The following RNF220 variants were observed in gnomAD, a reference collection of about 807,000 sequenced individuals.
The protein encoded by RNF220 is E3 ubiquitin-protein ligase RNF220.
A neutral mutation model predicts 67.1 loss-of-function variants in RNF220; 7 were observed. That is an observed-to-expected ratio of 0.10 (90% CI 0.06 to 0.20). RNF220 has a LOEUF of 0.20. RNF220 is among the 10% of genes least tolerant of loss of function. The pLI is 1.00. For synonymous variants in RNF220, 270 were observed against 283.2 expected, an observed-to-expected ratio of 0.95 and a Z score of 0.47; for missense variants, 565 against 740.3, an observed-to-expected ratio of 0.76 and a Z score of 2.75.
intron 2 of RNF220, among the ~76,000 whole-genome samples, chr1:44,461,774 A>T (rs900682034): frequency 6.6e-6 from 1 of 152,184 alleles, no homozygotes; most frequent in Non-Finnish European, 1.5e-5. Flanking sequence ...GGATCCAGAA[A>T]CTAGTCCTCA....
chr1:44,431,500 CAAAA>C (rs34244024), intron 2 of RNF220, among the ~76,000 whole-genome samples: 1 of 90,468 alleles, frequency 1.1e-5, no homozygotes, highest in Admixed American at 1.2e-4. Context: ...GACTTCATCT[CAAAA>C]AAAAAAAAAA....
intron 2 of RNF220, among the ~76,000 whole-genome samples, chr1:44,594,432 G>T (rs1666333139): frequency 6.6e-6 from 1 of 152,246 alleles, no homozygotes; most frequent in South Asian, 2.1e-4. Context: ...TACGGGGTAA[G>T]GCAGAGACAG....
intron 2 of RNF220, among the ~76,000 whole-genome samples, chr1:44,452,771 C>T (rs1397389354): frequency 6.6e-6 from 1 of 152,126 alleles, no homozygotes; most frequent in East Asian, 1.9e-4. Context: ...TGTGCCCAGC[C>T]TCTACCTTCT....
At chr1:44,457,635 A>G (rs868521213) in intron 2 of RNF220, among the ~76,000 whole-genome samples, 11 of 151,980 alleles carry the variant, frequency 7.2e-5, no homozygotes, top group African/African-American at 2.4e-4. Context: ...GAAGCGTTAT[A>G]TTTAGATCTG....
In RNF220 at chr1:44,606,144, G is replaced by A. The variant is rs1450905489; in HGVS notation, c.626-8021G>A. ...CCAGCGGGAGGCCCCAGCCAGACAA[G>A]TGTATTACACGGATAATGTATTTGA... On this transcript the variant is annotated intron_variant, in intron 2 of 14. Coordinates refer to ENST00000361799, the MANE Select transcript of RNF220 (RefSeq NM_018150.4). The surrounding 1 kb of genome is among the most constrained non-coding windows in gnomAD (Gnocchi z 4.2). Among the ~76,000 whole-genome samples, 2 of 152,264 alleles carry A rather than the reference G, an allele frequency of 1.3e-5. No individual in the cohort carries two copies. Among genetic ancestry groups the A allele is most frequent in the Admixed American group, 6.5e-5 (1 of 15,290 alleles).
intron 8 of RNF220, 105 bp downstream of exon 8, chr1:44,636,267 C>T: frequency 6.8e-7 from 1 of 1,461,834 alleles, no homozygotes; most frequent in Non-Finnish European, 9.5e-7. Flanking sequence ...GGTCATCCAT[C>T]CGTTCCACCA....
At chr1:44,457,802 C>CA (rs1261893681) in intron 2 of RNF220, among the ~76,000 whole-genome samples, 2 of 152,134 alleles carry the variant, frequency 1.3e-5, no homozygotes, top group Admixed American at 6.5e-5. Context: ...ACATATACTA[C>CA]ATATATACTT....
At chr1:44,585,580 G>A (rs1007279587) in intron 2 of RNF220, among the ~76,000 whole-genome samples, 4 of 152,308 alleles carry the variant, frequency 2.6e-5, no homozygotes, top group Middle Eastern at 6.8e-3. Flanking sequence ...TCAGTCATTT[G>A]TTTGTCATCT....
intron 2 of RNF220, among the ~76,000 whole-genome samples, chr1:44,595,057 C>T (rs1026748049): frequency 4.6e-5 from 7 of 152,188 alleles, no homozygotes; most frequent in South Asian, 2.1e-4. Context: ...TCCACAGACC[C>T]GCAGCACTGG....
At position 44,606,927 on chromosome 1, in the gene RNF220, T is replaced by C. The variant is rs1306623248; in HGVS notation, c.626-7238T>C. On this transcript the variant is annotated intron_variant, in intron 2 of 14. Transcript: ENST00000361799. The surrounding 1 kb of genome is among the most constrained non-coding windows in gnomAD (Gnocchi z 4.2). Reference sequence around the variant, plus strand: ...GCATTTTCACATGAATGTCTAATAGTTCCTCAAGCTAAGTACATCCAAAAC... The same window carrying C: ...GCATTTTCACATGAATGTCTAATAGCTCCTCAAGCTAAGTACATCCAAAAC... Among the ~76,000 whole-genome samples the C allele has an allele frequency of 6.6e-6, 1 of 152,204 alleles. No homozygotes were observed. The highest frequency in any genetic ancestry group is 1.9e-4 in the East Asian group (1 of 5,196).
intron 2 of RNF220, among the ~76,000 whole-genome samples, chr1:44,541,618 G>A (rs542986231): frequency 3.3e-5 from 5 of 152,238 alleles, no homozygotes; most frequent in East Asian, 1.9e-4. Context: ...CTTACTTCAC[G>A]GTCCCATCTT....
At chr1:44,411,072 T>C (rs148213182) in intron 1 of RNF220, among the ~76,000 whole-genome samples, 28 of 152,350 alleles carry the variant, frequency 1.8e-4, no homozygotes, top group African/African-American at 6.3e-4. Context: ...AACATTTTGT[T>C]CTAAATGTTA....
chr1:44,445,296 T>G (rs1349318562), intron 2 of RNF220, among the ~76,000 whole-genome samples: 1 of 152,220 alleles, frequency 6.6e-6, no homozygotes, highest in African/African-American at 2.4e-5. Context: ...ATATTCTAAC[T>G]GATCTCTGTA....
intron 2 of RNF220, among the ~76,000 whole-genome samples, chr1:44,520,228 C>G (rs953488289): frequency 1.3e-5 from 2 of 150,926 alleles, no homozygotes; most frequent in Non-Finnish European, 3.0e-5. Flanking sequence ...TTGGGGAGGC[C>G]AAGAAAGGCG....
intron 2 of RNF220, among the ~76,000 whole-genome samples, chr1:44,476,259 G>T (rs1316448700): frequency 6.6e-6 from 1 of 152,118 alleles, no homozygotes. Flanking sequence ...ACTGTGAGTA[G>T]TCATGGTCTA....
chr1:44,581,229 C>A (rs1207688674), intron 2 of RNF220, among the ~76,000 whole-genome samples: 1 of 152,254 alleles, frequency 6.6e-6, no homozygotes, highest in Non-Finnish European at 1.5e-5. Context: ...ATACCCATGG[C>A]ACATTGTCCT....
At chr1:44,564,954 C>T (rs1197991978) in intron 2 of RNF220, among the ~76,000 whole-genome samples, 1 of 152,082 alleles carries the variant, frequency 6.6e-6, no homozygotes, top group Non-Finnish European at 1.5e-5. Flanking sequence ...ATCCCCAGCA[C>T]ATAGCATGGG....
At position 44,650,827 on chromosome 1, in the gene RNF220, C is replaced by G. The variant is rs1393209829; in HGVS notation, c.*52C>G. ...TCCAGCAGCCCCACCTGCCCCCAGC[C>G]TCTGTGACAGTGACCGTCTCCCTTT... On this transcript the variant is annotated 3_prime_UTR_variant, in exon 15 of 15. Coordinates refer to ENST00000361799, the MANE Select transcript of RNF220 (RefSeq NM_018150.4). The surrounding 1 kb of genome is among the most constrained non-coding windows in gnomAD (Gnocchi z 4.3). The G allele has an allele frequency of 1.9e-6, 3 of 1,538,602 alleles. No individual in the cohort carries two copies. The highest frequency in any genetic ancestry group is 2.7e-6 in the Non-Finnish European group (3 of 1,115,856).
intron 2 of RNF220, among the ~76,000 whole-genome samples, chr1:44,422,509 G>A (rs1203637354): frequency 6.6e-6 from 1 of 152,162 alleles, no homozygotes; most frequent in Non-Finnish European, 1.5e-5. Flanking sequence ...CATTGCAAAT[G>A]CTGCCTTCTC....
Sources: allele counts gnomAD v4.1 joint callset (sites outside exome capture counted in the v4.1 genomes callset), GRCh38; gene constraint gnomAD v4.1.1; non-coding constraint Gnocchi (gnomAD v3.1); transcripts MANE v1.5; gene names NCBI Gene and HGNC (gene_info 2026-07-23, HGNC 2026-07-21).